The following METTL16 variants were observed in gnomAD, a reference collection of about 807,000 sequenced individuals.
The protein encoded by METTL16 is RNA N(6)-adenosine-methyltransferase METTL16.
In METTL16, 19 loss-of-function variants were observed where a neutral mutation model predicts 57.9. The observed-to-expected ratio is 0.33, with a 90% CI of 0.23 to 0.48. The LOEUF (loss-of-function observed/expected upper bound fraction) is 0.48, where lower values mean the gene tolerates loss of function less well. Ranked by LOEUF, METTL16 falls within the 20% of genes least tolerant of loss-of-function variation. The pLI is 0.99. For missense variants in METTL16, 434 were observed against 691.5 expected (o/e 0.63, Z 4.18); for synonymous variants, 246 against 255.6 (o/e 0.96, Z 0.36).
At chr17:2,422,936 T>C (rs978294096) in intron 8 of METTL16, among the ~76,000 whole-genome samples, 2 of 151,948 alleles carry the variant, frequency 1.3e-5, no homozygotes, top group African/African-American at 2.4e-5. Flanking sequence ...TGAGATGAGA[T>C]TGCGCCACTG....
intron 2 of METTL16, among the ~76,000 whole-genome samples, chr17:2,482,905 T>C (rs772256625): frequency 4.0e-5 from 6 of 151,742 alleles, no homozygotes; most frequent in Non-Finnish European, 8.8e-5. Flanking sequence ...AGTGGGACCC[T>C]GTCTCAAAAA....
At chr17:2,438,259 C>G in intron 7 of METTL16, 61 bp from the exon 8 acceptor site, 1 of 1,236,362 alleles carries the variant, frequency 8.1e-7, no homozygotes, top group Admixed American at 1.7e-5. Context: ...ATGTTTCTGG[C>G]TGCTGCGTCA....
intron 2 of METTL16, among the ~76,000 whole-genome samples, chr17:2,490,547 C>A (rs756839766): frequency 2.0e-5 from 3 of 152,096 alleles, no homozygotes; most frequent in Non-Finnish European, 4.4e-5. Context: ...TGTGACATTA[C>A]CATTATAAAT....
chr17:2,420,676 AAG>A lies in METTL16; in HGVS notation c.1062+53_1062+54del. On this transcript the variant is annotated intron_variant, in intron 9 of 9. Coordinates refer to ENST00000263092, the MANE Select transcript of METTL16 (RefSeq NM_024086.4). This position sits in a 1 kb window ranked among gnomAD's most constrained non-coding sequence, Gnocchi z 5.4. ...ACTCTCAATAAAAAAAAAAAGAAAA[AAG>A]AAAAAAGAGAAGGATCATTATGAGT... is the stretch of plus-strand genomic sequence containing the variant. The A allele has an allele frequency of 6.4e-7, 1 of 1,564,770 alleles. No homozygotes were observed. The highest frequency in any genetic ancestry group is 1.2e-5 in the South Asian group (1 of 83,206).
intron 6 of METTL16, among the ~76,000 whole-genome samples, chr17:2,444,432 A>G (rs2066978785): frequency 6.6e-6 from 1 of 152,144 alleles, no homozygotes; most frequent in South Asian, 2.1e-4. Flanking sequence ...CCTGGGCTAC[A>G]GAGCGAGACT....
intron 8 of METTL16, among the ~76,000 whole-genome samples, chr17:2,427,225 G>A (rs1447693781): frequency 6.6e-6 from 1 of 152,202 alleles, no homozygotes; most frequent in Non-Finnish European, 1.5e-5. Context: ...AAGGATTAGG[G>A]TGAATGAGAT....
chr17:2,448,662 A>G (rs1279178390), intron 6 of METTL16, among the ~76,000 whole-genome samples: 2 of 117,638 alleles, frequency 1.7e-5, no homozygotes, highest in African/African-American at 7.2e-5. Context: ...TCACTTGTTT[A>G]TCTGCTGACC....
chr17:2,492,517 ACCTTCATGAGGATGT>A (rs1212785453), intron 2 of METTL16, among the ~76,000 whole-genome samples: 1 of 152,136 alleles, frequency 6.6e-6, no homozygotes, highest in African/African-American at 2.4e-5. Flanking sequence ...ACAACTGCTA[ACCTTCATGAGGATGT>A]CCTCTCATCC....
chr17:2,492,005 A>G (rs1335534080), intron 2 of METTL16, among the ~76,000 whole-genome samples: 1 of 151,120 alleles, frequency 6.6e-6, no homozygotes, highest in Admixed American at 6.6e-5. Flanking sequence ...AGGTCAGGAG[A>G]TCGAGACCAT....
At chr17:2,478,913 A>C (rs1298528574) in intron 2 of METTL16, among the ~76,000 whole-genome samples, 3 of 152,160 alleles carry the variant, frequency 2.0e-5, no homozygotes, top group Non-Finnish European at 4.4e-5. Context: ...GTCATGATGG[A>C]TTGTTGACCA....
chr17:2,457,576 C>G (rs985964848), intron 6 of METTL16, among the ~76,000 whole-genome samples: 1 of 151,556 alleles, frequency 6.6e-6, no homozygotes, highest in Non-Finnish European at 1.5e-5. Flanking sequence ...GGCATGGTGG[C>G]GCGTGCCTTT....
chr17:2,427,606 T>A lies in METTL16; in HGVS notation c.889-6702A>T, dbSNP rs140638116. Among the ~76,000 whole-genome samples the A allele has an allele frequency of 3.3e-5, 5 of 152,180 alleles. No homozygotes were observed. In the East Asian group the frequency reaches 9.7e-4, roughly 29 times the overall value. ...TGGCTGAGGACTGGAGTTTTTGGCA[T>A]GGGATTCTTTTATTTTTTTAAGAGA... On this transcript the variant is annotated intron_variant, in intron 8 of 9. Transcript: ENST00000263092.
At position 2,496,905 on chromosome 17, in the gene METTL16, G is replaced by A. The variant is rs2067449781; in HGVS notation, c.128+5299C>T. 2.6e-5 allele frequency among the ~76,000 whole-genome samples: 4 copies of A among 151,786 alleles called. No homozygotes were observed. In the South Asian group the frequency reaches 8.3e-4, roughly 31 times the overall value. ...AACCAGATGCCAGGGCCTTGCTCTT[G>A]GACTTCCCAGCCCCCAGACTATGAG... On this transcript the variant is annotated intron_variant, in intron 2 of 9. Transcript: ENST00000263092.
chr17:2,511,405 G>C (rs527386485), intron 1 of METTL16, among the ~76,000 whole-genome samples: 2 of 151,882 alleles, frequency 1.3e-5, no homozygotes, highest in African/African-American at 4.8e-5. Flanking sequence ...TTCTCTCTTC[G>C]CCTTCTCTCA....
At position 2,437,721 on chromosome 17, in the gene METTL16, T is replaced by C. The variant is rs949874589; in HGVS notation, c.888+388A>G. Among the ~76,000 whole-genome samples the C allele has an allele frequency of 3.3e-5, 5 of 152,104 alleles. No homozygotes were observed. The East Asian group carries it at 7.7e-4, about 23-fold the overall frequency. On this transcript the variant is annotated intron_variant, in intron 8 of 9. Coordinates refer to ENST00000263092, the MANE Select transcript of METTL16 (RefSeq NM_024086.4). Reference sequence around the variant, plus strand: ...AGTGCCACCACGCCCAGCTAATTTTTGCATTTTTAGCAGAGACACAGTTTC... The same window carrying C: ...AGTGCCACCACGCCCAGCTAATTTTCGCATTTTTAGCAGAGACACAGTTTC...
In METTL16 at chr17:2,438,266, G is replaced by A. The variant is rs182367216; in HGVS notation, c.799-68C>T. The A allele has an allele frequency of 1.1e-3, 1,241 of 1,128,302 alleles. 10 individuals are homozygous for A. The African/African-American group carries it at 0.014, about 13-fold the overall frequency. 69.9% of individuals were successfully genotyped at this position (1,128,302 alleles called of 1,614,324 possible). ...CTACCAATATGTTTCTGGCTGCTGC[G>A]TCATGCCATATTATGTTGATCCTTC... On this transcript the variant is annotated intron_variant, in intron 7 of 9. Coordinates refer to ENST00000263092, the MANE Select transcript of METTL16 (RefSeq NM_024086.4).
At chr17:2,496,331 C>T (rs1331002902) in intron 2 of METTL16, among the ~76,000 whole-genome samples, 1 of 151,334 alleles carries the variant, frequency 6.6e-6, no homozygotes, top group Admixed American at 6.6e-5. Flanking sequence ...TGGGTCTCAC[C>T]TTGTCGCTCA....
chr17:2,429,766 CA>C (rs201353601), intron 8 of METTL16, among the ~76,000 whole-genome samples: 12 of 148,850 alleles, frequency 8.1e-5, no homozygotes, highest in African/African-American at 1.2e-4. Context: ...CCTCCCCAAT[CA>C]AAAAAAAAGA....
At chr17:2,457,210 C>T (rs928925644) in intron 6 of METTL16, among the ~76,000 whole-genome samples, 48 of 151,166 alleles carry the variant, frequency 3.2e-4, no homozygotes, top group Admixed American at 2.6e-3. Flanking sequence ...TGGTGACGGG[C>T]GCCTGTAGTC....
Sources: gnomAD v4.1 joint callset for allele counts (sites outside exome capture counted in the v4.1 genomes callset) on GRCh38, gnomAD v4.1.1 for gene constraint, Gnocchi (gnomAD v3.1) non-coding constraint, MANE v1.5 for transcripts, NCBI Gene and HGNC (gene_info 2026-07-23, HGNC 2026-07-21) for gene names.